Variants in TNS3 observed in about 807,000 individuals in gnomAD.
TNS3 encodes the protein tensin 3.
In TNS3, 45 loss-of-function variants were observed where a neutral mutation model predicts 140.9. The observed-to-expected ratio is 0.32, with a 90% CI of 0.25 to 0.41. The LOEUF (loss-of-function observed/expected upper bound fraction) is 0.41. TNS3 is among the 10% of genes least tolerant of loss of function. The pLI is 1.00. For missense variants in TNS3, 1,716 were observed against 1,906.7 expected (o/e 0.90, Z 1.86); for synonymous variants, 815 against 788.4 (o/e 1.03, Z -0.56).
At chr7:47,288,747 G>C (rs1176246628) in intron 27 of TNS3, among the ~76,000 whole-genome samples, 1 of 152,206 alleles carries the variant, frequency 6.6e-6, no homozygotes, top group Non-Finnish European at 1.5e-5. Flanking sequence ...CCCAGGAAAG[G>C]CCATTCCTCT....
chr7:47,485,819 C>T (rs765464530), intron 3 of TNS3, among the ~76,000 whole-genome samples: 1 of 152,258 alleles, frequency 6.6e-6, no homozygotes. Context: ...CCTGGGTACA[C>T]TGGCATCAAT....
intron 13 of TNS3, among the ~76,000 whole-genome samples, chr7:47,409,201 G>A (rs1793618259): frequency 6.6e-6 from 1 of 152,074 alleles, no homozygotes; most frequent in Non-Finnish European, 1.5e-5. Context: ...GAGGGGAGAA[G>A]AGAAGGAAGG....
chr7:47,559,003 C>T (rs556561573), intron 1 of TNS3, among the ~76,000 whole-genome samples: 2 of 152,196 alleles, frequency 1.3e-5, no homozygotes, highest in Non-Finnish European at 2.9e-5. Flanking sequence ...TCGCAACGCC[C>T]GTGTATATAG....
At chr7:47,547,274 G>A (rs1302492888) in intron 1 of TNS3, among the ~76,000 whole-genome samples, 1 of 152,142 alleles carries the variant, frequency 6.6e-6, no homozygotes, top group Non-Finnish European at 1.5e-5. Flanking sequence ...GCGAAGAATT[G>A]TGTTGACTTC....
At chr7:47,373,462 G>C (rs2151177350) in intron 16 of TNS3, among the ~76,000 whole-genome samples, 1 of 152,328 alleles carries the variant, frequency 6.6e-6, no homozygotes, top group East Asian at 1.9e-4. Context: ...ATAGTGGACA[G>C]GGCCTTGCAT....
chr7:47,315,106 C>A (rs755308116), intron 20 of TNS3, among the ~76,000 whole-genome samples: 4 of 152,264 alleles, frequency 2.6e-5, no homozygotes, highest in Non-Finnish European at 4.4e-5. Flanking sequence ...CTGCCAGCCA[C>A]AGCCGATCTT....
At position 47,428,334 on chromosome 7, in the gene TNS3, G is replaced by T; in HGVS notation, c.367C>A (p.His123Asn). 6.9e-7 allele frequency: 1 copy of T among 1,450,714 alleles called. No homozygotes were observed. The highest frequency in any genetic ancestry group is 9.1e-7 in the Non-Finnish European group (1 of 1,096,368). 89.9% of individuals were successfully genotyped at this position (1,450,714 alleles called of 1,614,324 possible). A position where few individuals can be genotyped will look rare whatever the true frequency, so the allele number is the denominator to read the frequency against. Residue 123 changes from histidine (H) to asparagine (N), a missense_variant, in exon 9 of 31, where the codon CAT (histidine) becomes AAT (asparagine). Coordinates refer to ENST00000311160, the MANE Select transcript of TNS3 (RefSeq NM_022748.12). ...TACCTGGCTGAGACGTTGGTGAAAT[G>T]CATGTAGGATGATATGACCACTCCT... ...RIGVVISSYMHFTNVSASADQ... is the reference protein window; with the variant it reads ...RIGVVISSYMNFTNVSASADQ...
At chr7:47,346,473 C>A (rs1584450936) in intron 17 of TNS3, 117 bp from the exon 18 acceptor site, 1 of 1,259,342 alleles carries the variant, frequency 7.9e-7, no homozygotes, top group East Asian at 2.5e-5. Flanking sequence ...TCCTGGTCAC[C>A]ACTGCTCTGG....
At chr7:47,414,337 T>C (rs531730016) in intron 11 of TNS3, among the ~76,000 whole-genome samples, 21 of 152,162 alleles carry the variant, frequency 1.4e-4, no homozygotes, top group Admixed American at 6.5e-4. Context: ...TCAGAGACAA[T>C]AGAAACCTCT....
At chr7:47,441,033 C>T (rs1795441297) in intron 5 of TNS3, among the ~76,000 whole-genome samples, 1 of 152,106 alleles carries the variant, frequency 6.6e-6, no homozygotes, top group Non-Finnish European at 1.5e-5. Context: ...ATCCCAGATA[C>T]TATGTAATTT....
chr7:47,532,338 G>A (rs2151946487), intron 1 of TNS3, among the ~76,000 whole-genome samples: 1 of 152,246 alleles, frequency 6.6e-6, no homozygotes, highest in Non-Finnish European at 1.5e-5. Context: ...GCCAGCCCAT[G>A]GCCGCCCATG....
At chr7:47,573,588 C>T (rs1800607856) in intron 1 of TNS3, among the ~76,000 whole-genome samples, 1 of 152,210 alleles carries the variant, frequency 6.6e-6, no homozygotes, top group African/African-American at 2.4e-5. Flanking sequence ...TCCATCGCGA[C>T]GGGTCCTTCT....
At chr7:47,495,822 G>A (rs1422714653) in intron 3 of TNS3, among the ~76,000 whole-genome samples, 1 of 152,226 alleles carries the variant, frequency 6.6e-6, no homozygotes, top group Non-Finnish European at 1.5e-5. Context: ...AACATTGAAA[G>A]AGAACAGGCC....
At chr7:47,481,352 T>C (rs1477539167) in intron 3 of TNS3, 1 of 353,390 alleles carries the variant, frequency 2.8e-6, no homozygotes, top group Non-Finnish European at 5.3e-6. Flanking sequence ...TTTGCTAATG[T>C]CATGGAAACC....
At chr7:47,485,224 C>T (rs951266183) in intron 3 of TNS3, among the ~76,000 whole-genome samples, 1 of 152,222 alleles carries the variant, frequency 6.6e-6, no homozygotes, top group Non-Finnish European at 1.5e-5. Flanking sequence ...AACCAGGCAG[C>T]GTTCCCTGTG....
chr7:47,509,284 G>T (rs912486695), intron 2 of TNS3, among the ~76,000 whole-genome samples: 1 of 152,164 alleles, frequency 6.6e-6, no homozygotes, highest in Admixed American at 6.5e-5. Context: ...AATCCTGAGA[G>T]GCAGGGCCAT....
At position 47,368,560 on chromosome 7, in the gene TNS3, C is replaced by G; in HGVS notation, c.2086G>C (p.Asp696His). 6.4e-7 allele frequency: 1 copy of G among 1,571,796 alleles called. No individual in the cohort carries two copies. The highest frequency in any genetic ancestry group is 8.7e-7 in the Non-Finnish European group (1 of 1,154,736). The change falls in exon 17 of 31, where the codon GAC becomes CAC. Residue 696 changes from aspartate to histidine, a missense_variant. Physicochemically the swap from Asp to His is moderately conservative, Grantham distance 81 (BLOSUM62 -1). Transcript: ENST00000311160. ...CTGTTGAGCTGCTCGATGGACTGGT[C>G]GATGTCCAGGGTGGGCGAGCCTGGG... ...PSPGSPTLDIDQSIEQLNRLI... is the reference protein window; with the variant it reads ...PSPGSPTLDIHQSIEQLNRLI...
At chr7:47,399,389 CA>C (rs1356994855) in intron 15 of TNS3, among the ~76,000 whole-genome samples, 2 of 151,682 alleles carry the variant, frequency 1.3e-5, no homozygotes, top group Admixed American at 6.6e-5. Flanking sequence ...AAAAACAAAA[CA>C]AAACAAAAAT....
intron 30 of TNS3, 85 bp downstream of exon 30, chr7:47,280,078 AC>A (rs1296857344): frequency 5.3e-6 from 8 of 1,510,084 alleles, no homozygotes; most frequent in African/African-American, 1.4e-5. Flanking sequence ...CTTATAAGGC[AC>A]CCCCTGTGCA....
Sources: allele counts gnomAD v4.1 joint callset (sites outside exome capture counted in the v4.1 genomes callset), GRCh38; gene constraint gnomAD v4.1.1; transcripts MANE v1.5; gene names NCBI Gene and HGNC (gene_info 2026-07-23, HGNC 2026-07-21).